Variants in CYB5R3 observed in about 807,000 individuals in gnomAD.
CYB5R3 encodes the protein NADH-cytochrome b5 reductase 3.
CYB5R3 carries 28 observed loss-of-function variants against 36.5 expected under a neutral mutation model. The observed-to-expected ratio is 0.77, with a 90% CI of 0.57 to 1.05. The LOEUF is 1.05. CYB5R3 is among the 50% of genes least tolerant of loss of function. The probability of loss-of-function intolerance (pLI) is 0.00; values close to 1 mark genes in which losing one functional copy is unlikely to be tolerated. For synonymous variants in CYB5R3, 181 were observed against 159.8 expected, an observed-to-expected ratio of 1.13 and a Z score of -1.00; for missense variants, 474 against 408.9, an observed-to-expected ratio of 1.16 and a Z score of -1.37.
intron 1 of CYB5R3, 30 bp from the exon 2 acceptor site, chr22:42,636,876 C>A: frequency 6.2e-7 from 1 of 1,608,390 alleles, no homozygotes; most frequent in African/African-American, 1.3e-5. Flanking sequence ...GGGGTCAGTG[C>A]AGGAGCCTGC....
At chr22:42,644,753 C>T in intron 1 of CYB5R3, 1 of 648,612 alleles carries the variant, frequency 1.5e-6, no homozygotes, top group African/African-American at 2.0e-5. Flanking sequence ...TGTTGGGGGC[C>T]CTGGCAATGA....
rs1927807898 is a variant in CYB5R3, at chr22:42,619,174, G to C, written c.*599C>G. 2 of 153,376 alleles carry C rather than the reference G, an allele frequency of 1.3e-5. No homozygotes were observed. The allele number at this position is 153,376 out of a possible 1,614,324, so 9.5% of individuals were successfully genotyped here. Reference sequence around the variant, plus strand: ...GAAGGAAATGCTGAGGTTCTGGGAGGGCCCCATGGCCAGCCCCCTCTTCCC... The same window carrying C: ...GAAGGAAATGCTGAGGTTCTGGGAGCGCCCCATGGCCAGCCCCCTCTTCCC... On this transcript the variant is annotated 3_prime_UTR_variant, in exon 9 of 9. Transcript: ENST00000352397.
intron 4 of CYB5R3, among the ~76,000 whole-genome samples, chr22:42,629,006 G>A (rs1928465239): frequency 6.6e-6 from 1 of 152,236 alleles, no homozygotes; most frequent in African/African-American, 2.4e-5. Flanking sequence ...CCTGGGCCCT[G>A]GGTGCCAGGC....
intron 8 of CYB5R3, among the ~76,000 whole-genome samples, chr22:42,623,064 C>T (rs1928068570): frequency 3.0e-5 from 3 of 99,390 alleles, no homozygotes; most frequent in Non-Finnish European, 5.6e-5. Context: ...GCAGTTGCCG[C>T]CACTCCCTAG....
Position 42,623,941 on chromosome 22 carries a change from G to A in CYB5R3, c.634-53C>T, listed in dbSNP as rs1015600226. On this transcript the variant is annotated intron_variant, in intron 7 of 8. Transcript: ENST00000352397. ...GAAGGATGGGTGGCAGACTGCCCCTGGAGACACTCAACAGAGACGCGCCTC... is the reference window on the plus strand; with the variant it reads ...GAAGGATGGGTGGCAGACTGCCCCTAGAGACACTCAACAGAGACGCGCCTC... 34 of 1,501,576 alleles carry A rather than the reference G, an allele frequency of 2.3e-5. 1 individual carries two copies. In the Admixed American group the frequency reaches 4.5e-4, roughly 20 times the overall value. The allele number at this position is 1,501,576 out of a possible 1,614,324, so 93.0% of individuals were successfully genotyped here.
In CYB5R3 at chr22:42,618,558, CA is replaced by C. The variant is rs943375944; in HGVS notation, c.*1214del. ...TCTCAAAAAAAAAAAAAAAAAAATA[CA>C]AAAACTAGCTGGGTGTGGTGGTGGG... On this transcript the variant is annotated 3_prime_UTR_variant, in exon 9 of 9. Transcript: ENST00000352397. The C allele has an allele frequency of 5.6e-5, 5 of 88,936 alleles. No homozygotes were observed. Among genetic ancestry groups the C allele is most frequent in the African/African-American group, 2.6e-4 (5 of 19,462 alleles). 5.5% of individuals were successfully genotyped at this position (88,936 alleles called of 1,614,324 possible).
intron 1 of CYB5R3, chr22:42,644,737 C>T (rs1226164204): frequency 1.2e-6 from 1 of 824,048 alleles, no homozygotes; most frequent in Admixed American, 6.2e-5. Context: ...CACAGGAAAT[C>T]ACCATTGTTG....
At chr22:42,639,742 A>G in intron 1 of CYB5R3, 1 of 538,570 alleles carries the variant, frequency 1.9e-6, no homozygotes. Flanking sequence ...CTTAGGAGAT[A>G]CACACTGAAA....
chr22:42,640,106 C>A lies in CYB5R3; in HGVS notation c.22-3260G>T, dbSNP rs1405675341. 1 of 1,613,918 alleles carries A rather than the reference C, an allele frequency of 6.2e-7. No homozygotes were observed. The highest frequency in any genetic ancestry group is 8.5e-7 in the Non-Finnish European group (1 of 1,180,026). ...AAGCTACCAGTCTGAGCACTACTGA[C>A]TATTTTTTTCAGGCTCTGAATAGCT... On this transcript the variant is annotated intron_variant, in intron 1 of 8. Transcript: ENST00000352397.
At chr22:42,645,209 G>A (rs1291350741) in intron 1 of CYB5R3, among the ~76,000 whole-genome samples, 7 of 152,142 alleles carry the variant, frequency 4.6e-5, no homozygotes, top group Non-Finnish European at 1.0e-4. Flanking sequence ...GGAGCAGACC[G>A]CAGGATCTGT....
intron 1 of CYB5R3, chr22:42,646,821 G>C: frequency 1.0e-6 from 1 of 985,974 alleles, no homozygotes; most frequent in Non-Finnish European, 1.2e-6. Flanking sequence ...ACACAGAGCT[G>C]GGATCTGGGC....
chr22:42,636,920 C>CA (rs2146894418), intron 1 of CYB5R3, 74 bp from the exon 2 acceptor site: 1 of 1,569,682 alleles, frequency 6.4e-7, no homozygotes, highest in African/African-American at 1.4e-5. Flanking sequence ...TCCACACTAC[C>CA]AGGCCTCTGC....
chr22:42,649,373 G>A lies in CYB5R3; in HGVS notation c.-58C>T, dbSNP rs1037936971. The A allele has an allele frequency of 2.2e-5, 14 of 626,388 alleles. No individual in the cohort carries two copies. The Admixed American group carries it at 2.3e-4, about 10-fold the overall frequency. The allele number at this position is 626,388 out of a possible 1,614,324, so 38.8% of individuals were successfully genotyped here. On this transcript the variant is annotated 5_prime_UTR_variant, in exon 1 of 9. Coordinates refer to ENST00000352397, the MANE Select transcript of CYB5R3 (RefSeq NM_000398.7). ...CCGCCGCCGCCGCCGAGACCGTCGC[G>A]CCCGGGCCCGCGTCACTCCGGAGCA... is the stretch of plus-strand genomic sequence containing the variant.
intron 2 of CYB5R3, among the ~76,000 whole-genome samples, chr22:42,636,322 A>G (rs5758824): frequency 0.3 from 45,146 of 151,994 alleles, 7,550 homozygotes; most frequent in South Asian, 0.4. Context: ...CAGATGTGAA[A>G]GGTGTCCAGG....
At position 42,635,014 on chromosome 22, in the gene CYB5R3, G is replaced by A. The variant is rs1438608897; in HGVS notation, c.153+1701C>T. On this transcript the variant is annotated intron_variant, in intron 2 of 8. Transcript: ENST00000352397. ...TGAGACGGAGTCTTGCTGTCACCCA[G>A]GCTGGAGTGCAGTGGCGCAATCTCG... Among the ~76,000 whole-genome samples, 17 of 148,380 alleles carry A rather than the reference G, an allele frequency of 1.1e-4. 2 individuals are homozygous for A. The highest frequency in any genetic ancestry group is 4.7e-4 in the Admixed American group (7 of 14,766).
intron 7 of CYB5R3, 73 bp from the exon 8 acceptor site, chr22:42,623,961 C>T (rs1419395223): frequency 3.0e-5 from 41 of 1,374,668 alleles, no homozygotes; most frequent in African/African-American, 4.3e-5. Context: ...AACAGAGACG[C>T]GCCTCGTCAT....
chr22:42,620,858 C>T (rs1438014323), intron 8 of CYB5R3, among the ~76,000 whole-genome samples: 1 of 152,170 alleles, frequency 6.6e-6, no homozygotes, highest in Non-Finnish European at 1.5e-5. Context: ...TGGAGTGATA[C>T]GTGTGGCCCA....
chr22:42,648,830 A>T (rs1029300666), intron 1 of CYB5R3, among the ~76,000 whole-genome samples: 5 of 146,316 alleles, frequency 3.4e-5, no homozygotes, highest in Non-Finnish European at 7.5e-5. Context: ...GCCCATTCAC[A>T]TACTCCCGTA....
intron 4 of CYB5R3, among the ~76,000 whole-genome samples, chr22:42,628,531 G>A (rs910168452): frequency 6.6e-6 from 1 of 152,110 alleles, no homozygotes; most frequent in Admixed American, 6.6e-5. Context: ...TCGTGTACAA[G>A]GCCGACCAAC....
Sources: gnomAD v4.1 joint callset for allele counts (sites outside exome capture counted in the v4.1 genomes callset) on GRCh38, gnomAD v4.1.1 for gene constraint, MANE v1.5 for transcripts, NCBI Gene and HGNC (gene_info 2026-07-23, HGNC 2026-07-21) for gene names.